RAI14: variants seen among roughly 807,000 people sequenced by gnomAD.
The protein encoded by RAI14 is ankycorbin.
In RAI14, 45 loss-of-function variants were observed where a neutral mutation model predicts 115.4. The observed-to-expected ratio is 0.39, with a 90% CI of 0.31 to 0.50. The LOEUF is 0.50. RAI14 is among the 20% of genes least tolerant of loss of function. The pLI, the probability that RAI14 is intolerant of heterozygous loss-of-function variation, is 0.85. For missense variants in RAI14, 939 were observed against 1,131.2 expected (o/e 0.83, Z 2.44); for synonymous variants, 371 against 415.4 (o/e 0.89, Z 1.30).
Position 34,661,852 on chromosome 5 carries a change from G to A in RAI14, c.-49+5377G>A, listed in dbSNP as rs1240974318. 3.3e-5 allele frequency among the ~76,000 whole-genome samples: 5 copies of A among 152,272 alleles called. No individual in the cohort carries two copies. In the South Asian group the frequency reaches 6.2e-4, roughly 19 times the overall value. On this transcript the variant is annotated intron_variant, in intron 1 of 17. Coordinates refer to ENST00000265109, the MANE Select transcript of RAI14 (RefSeq NM_015577.3). ...GCATTTCTTTCTTTTTTCTTGAGAT[G>A]GGATCTTGCTCTGTTCTGGAACTCC...
At chr5:34,815,067 C>T (rs55783306) in intron 12 of RAI14, among the ~76,000 whole-genome samples, 15,590 of 151,938 alleles carry the variant, frequency 0.1, 1,379 homozygotes, top group African/African-American at 0.24. Context: ...GCCAACAAGG[C>T]GAAACCCTAT....
At chr5:34,797,248 G>A (rs540484624) in intron 4 of RAI14, among the ~76,000 whole-genome samples, 1 of 152,218 alleles carries the variant, frequency 6.6e-6, no homozygotes, top group East Asian at 1.9e-4. Flanking sequence ...AATCCGTAAT[G>A]GATCCCTTTC....
rs1752942655 is a variant in RAI14, at chr5:34,791,798, C to T, written c.168-4141C>T. ...GACCTAAAGGGGCAAGGAGGGAAAG[C>T]TGCAGCTGTGGCTGTGGGAGAGCCG... On this transcript the variant is annotated intron_variant, in intron 3 of 17. Transcript: ENST00000265109. The surrounding 1 kb of genome is among the most constrained non-coding windows in gnomAD (Gnocchi z 5.4). Among the ~76,000 whole-genome samples the T allele has an allele frequency of 6.6e-6, 1 of 152,224 alleles. No individual in the cohort carries two copies. The highest frequency in any genetic ancestry group is 2.4e-5 in the African/African-American group (1 of 41,472).
chr5:34,776,368 G>A (rs113863006), intron 3 of RAI14, among the ~76,000 whole-genome samples: 2,386 of 152,258 alleles, frequency 0.016, 33 homozygotes, highest in South Asian at 0.027. Context: ...CACAGAATGA[G>A]TATAGTCAAC....
chr5:34,820,898 T>C (rs1756756177), intron 13 of RAI14, among the ~76,000 whole-genome samples: 1 of 152,184 alleles, frequency 6.6e-6, no homozygotes, highest in African/African-American at 2.4e-5. Context: ...GCTAGGGTGG[T>C]CTTTGAATGC....
chr5:34,660,289 A>G (rs181550852), intron 1 of RAI14, among the ~76,000 whole-genome samples: 2 of 147,972 alleles, frequency 1.4e-5, no homozygotes, highest in South Asian at 2.2e-4. Context: ...AAAATTACCC[A>G]GGCGTGGTGG....
At chr5:34,702,598 T>G (rs1484688310) in intron 2 of RAI14, among the ~76,000 whole-genome samples, 1 of 152,228 alleles carries the variant, frequency 6.6e-6, no homozygotes, top group Non-Finnish European at 1.5e-5. Flanking sequence ...TGGACCCCGT[T>G]CACATTAGCA....
chr5:34,822,649 C>A (rs888746882), intron 14 of RAI14, among the ~76,000 whole-genome samples: 3 of 136,258 alleles, frequency 2.2e-5, no homozygotes, highest in East Asian at 2.4e-4. Flanking sequence ...GCTTAGCTAA[C>A]CACGCCTTTG....
intron 3 of RAI14, among the ~76,000 whole-genome samples, chr5:34,763,536 T>C (rs1204847363): frequency 2.0e-5 from 3 of 152,248 alleles, no homozygotes; most frequent in Non-Finnish European, 4.4e-5. Context: ...GGGTCCAAAA[T>C]GTTCCAGACT....
intron 2 of RAI14, among the ~76,000 whole-genome samples, chr5:34,744,085 A>G (rs1454352164): frequency 3.3e-5 from 5 of 152,218 alleles, no homozygotes; most frequent in African/African-American, 1.2e-4. Context: ...GGCAAAGCTC[A>G]GGAGTTGTGG....
intron 4 of RAI14, among the ~76,000 whole-genome samples, chr5:34,796,626 G>A (rs1753570305): frequency 6.6e-6 from 1 of 151,988 alleles, no homozygotes; most frequent in East Asian, 1.9e-4. Flanking sequence ...CCTAATTTTT[G>A]TTTTTATGAA....
chr5:34,720,577 A>AT (rs1427213246), intron 2 of RAI14, among the ~76,000 whole-genome samples: 3 of 151,498 alleles, frequency 2.0e-5, no homozygotes, highest in East Asian at 3.9e-4. Context: ...CGCCCAGCTA[A>AT]TTTTTTGTAT....
At chr5:34,753,127 C>T (rs1333721845) in intron 2 of RAI14, among the ~76,000 whole-genome samples, 6 of 152,006 alleles carry the variant, frequency 3.9e-5, no homozygotes, top group African/African-American at 1.4e-4. Flanking sequence ...AGGGTGGAGG[C>T]AGAATCAGTC....
intron 2 of RAI14, among the ~76,000 whole-genome samples, chr5:34,704,818 A>G (rs1215886874): frequency 6.6e-6 from 1 of 152,244 alleles, no homozygotes; most frequent in Non-Finnish European, 1.5e-5. Context: ...TACATTCCGT[A>G]GGAAGTTGGA....
At chr5:34,664,172 CTTAT>C (rs547930889) in intron 1 of RAI14, among the ~76,000 whole-genome samples, 6 of 150,708 alleles carry the variant, frequency 4.0e-5, no homozygotes, top group Admixed American at 6.6e-5. Context: ...TTTTTCTTTC[CTTAT>C]TTATTTATTT....
In RAI14 at chr5:34,709,276, C is replaced by T. The variant is rs192119161; in HGVS notation, c.36+22321C>T. Reference sequence around the variant, plus strand: ...CAGTCTGGCCAACTTGGCGAAACCCCGTCTCTACTAAAAATAAAAAAATTA... The same window carrying T: ...CAGTCTGGCCAACTTGGCGAAACCCTGTCTCTACTAAAAATAAAAAAATTA... On this transcript the variant is annotated intron_variant, in intron 2 of 17. Coordinates refer to ENST00000265109, the MANE Select transcript of RAI14 (RefSeq NM_015577.3). Among the ~76,000 whole-genome samples the T allele has an allele frequency of 4.2e-3, 637 of 151,956 alleles. 3 individuals are homozygous for T. Among genetic ancestry groups the T allele is most frequent in the African/African-American group, 0.015 (607 of 41,502 alleles).
intron 6 of RAI14, 54 bp downstream of exon 6, chr5:34,807,911 C>A: frequency 7.0e-7 from 1 of 1,421,770 alleles, no homozygotes; most frequent in African/African-American, 1.4e-5. Context: ...ACCAACTTTT[C>A]TTTTTCCTTA....
intron 3 of RAI14, among the ~76,000 whole-genome samples, chr5:34,795,651 T>C (rs966173149): frequency 2.0e-5 from 3 of 152,186 alleles, no homozygotes; most frequent in African/African-American, 7.2e-5. Context: ...GAGACAAATA[T>C]ATGGCTGAAT....
chr5:34,818,340 C>T (rs2150283470), intron 12 of RAI14, among the ~76,000 whole-genome samples: 1 of 152,212 alleles, frequency 6.6e-6, no homozygotes. Flanking sequence ...ACTTTAATAG[C>T]AGATAACTTA....
Sources: gnomAD v4.1 joint callset for allele counts (sites outside exome capture counted in the v4.1 genomes callset) on GRCh38, gnomAD v4.1.1 for gene constraint, Gnocchi (gnomAD v3.1) non-coding constraint, MANE v1.5 for transcripts, NCBI Gene and HGNC (gene_info 2026-07-23, HGNC 2026-07-21) for gene names.